DEFB1: variants seen among roughly 807,000 people sequenced by gnomAD.
DEFB1 encodes the protein defensin beta 1.
In DEFB1, 4 loss-of-function variants were observed where a neutral mutation model predicts 2.6. The ratio of observed to expected loss-of-function variants is 1.53; its 90% CI spans 0.76 to 3.51. The LOEUF is 3.51. Ranked by LOEUF, DEFB1 falls within the 30% of genes most tolerant of loss-of-function variation. DEFB1 has a pLI of 0.01. For missense variants in DEFB1, 162 were observed against 76.9 expected, an observed-to-expected ratio of 2.11 and a Z score of -4.14; for synonymous variants, 56 against 28.5, an observed-to-expected ratio of 1.96 and a Z score of -3.07.
At chr8:6,874,057 T>G (rs184448761) in intron 1 of DEFB1, among the ~76,000 whole-genome samples, 123 of 152,216 alleles carry the variant, frequency 8.1e-4, no homozygotes, top group African/African-American at 2.6e-3. Context: ...CTTCTGAAGG[T>G]TTTTGTTTTC....
At chr8:6,877,538 C>G (rs1021833703) in intron 1 of DEFB1, among the ~76,000 whole-genome samples, 1 of 152,228 alleles carries the variant, frequency 6.6e-6, no homozygotes, top group South Asian at 2.1e-4. Flanking sequence ...GTCTACATGT[C>G]CAGGACAAGG....
At chr8:6,877,558 G>A (rs1806577543) in intron 1 of DEFB1, among the ~76,000 whole-genome samples, 2 of 152,234 alleles carry the variant, frequency 1.3e-5, no homozygotes, top group Non-Finnish European at 2.9e-5. Context: ...GATGCAGGCA[G>A]CTGCCTGTGA....
intron 1 of DEFB1, among the ~76,000 whole-genome samples, 197 bp from the exon 2 acceptor site, chr8:6,871,023 G>C (rs1004271101): frequency 1.3e-5 from 2 of 152,254 alleles, no homozygotes; most frequent in Non-Finnish European, 2.9e-5. Flanking sequence ...GGCTATGCCA[G>C]CTGTGGCCAA....
intron 1 of DEFB1, among the ~76,000 whole-genome samples, chr8:6,874,089 C>T (rs1806427681): frequency 2.0e-5 from 3 of 151,128 alleles, no homozygotes; most frequent in Admixed American, 2.0e-4. Context: ...GACCAGGCAG[C>T]CCAAAAAGAA....
intron 1 of DEFB1, among the ~76,000 whole-genome samples, chr8:6,872,615 G>T (rs991057879): frequency 6.6e-6 from 1 of 152,186 alleles, no homozygotes; most frequent in African/African-American, 2.4e-5. Flanking sequence ...TGTGGAGATG[G>T]AAGGGAATTG....
At chr8:6,874,463 G>C (rs1806443291) in intron 1 of DEFB1, among the ~76,000 whole-genome samples, 1 of 152,298 alleles carries the variant, frequency 6.6e-6, no homozygotes, top group African/African-American at 2.4e-5. Flanking sequence ...AAAGGGCCGA[G>C]AATAGCCAAG....
At chr8:6,876,479 A>AAAAAC (rs774368804) in intron 1 of DEFB1, among the ~76,000 whole-genome samples, 11 of 151,812 alleles carry the variant, frequency 7.2e-5, no homozygotes, top group African/African-American at 2.2e-4. Flanking sequence ...TCCATCTCAA[A>AAAAAC]AAAACAAAAC....
intron 1 of DEFB1, among the ~76,000 whole-genome samples, chr8:6,875,095 CACACACACACA>C (rs1806476304): frequency 6.6e-6 from 1 of 151,530 alleles, no homozygotes; most frequent in African/African-American, 2.4e-5. Flanking sequence ...CACACACACA[CACACACACACA>C]CACCCCATTG....
At chr8:6,872,061 C>A (rs910507961) in intron 1 of DEFB1, among the ~76,000 whole-genome samples, 2 of 152,164 alleles carry the variant, frequency 1.3e-5, no homozygotes, top group African/African-American at 4.8e-5. Flanking sequence ...CCACTTTTTG[C>A]AGTAATTCCA....
At chr8:6,874,461 GAGAATAGCCA>G (rs1236995953) in intron 1 of DEFB1, among the ~76,000 whole-genome samples, 1 of 152,206 alleles carries the variant, frequency 6.6e-6, no homozygotes, top group Non-Finnish European at 1.5e-5. Flanking sequence ...TCAAAGGGCC[GAGAATAGCCA>G]AGACACATTT....
chr8:6,874,144 C>G (rs1252821369), intron 1 of DEFB1, among the ~76,000 whole-genome samples: 1 of 61,520 alleles, frequency 1.6e-5, no homozygotes, highest in African/African-American at 5.9e-5. Context: ...CACACACACA[C>G]ACGCACACAC....
At chr8:6,871,238 T>C (rs1188827495) in intron 1 of DEFB1, among the ~76,000 whole-genome samples, 5 of 152,212 alleles carry the variant, frequency 3.3e-5, no homozygotes, top group African/African-American at 1.2e-4. Context: ...CTTCCATGCC[T>C]TCAGTTACGC....
chr8:6,874,773 G>C (rs1325066041), intron 1 of DEFB1, among the ~76,000 whole-genome samples: 1 of 152,086 alleles, frequency 6.6e-6, no homozygotes, highest in Non-Finnish European at 1.5e-5. Context: ...CTTGAGGTCA[G>C]GTATTTGAGA....
chr8:6,877,866 G>C lies in DEFB1; in HGVS notation c.-9C>G. On this transcript the variant is annotated 5_prime_UTR_variant, in exon 1 of 2. Transcript: ENST00000297439. ...AGGTAGGAAGTTCTCATGGCGACTGGCAGGCAACACCCAGGATTTCAGGAA... is the reference window on the plus strand; with the variant it reads ...AGGTAGGAAGTTCTCATGGCGACTGCCAGGCAACACCCAGGATTTCAGGAA... 6.2e-7 allele frequency: 1 copy of C among 1,613,766 alleles called. No individual in the cohort carries two copies. Among genetic ancestry groups the C allele is most frequent in the Non-Finnish European group, 8.5e-7 (1 of 1,179,740 alleles).
chr8:6,870,834 G>A lies in DEFB1; in HGVS notation c.62-8C>T, dbSNP rs760974157. The stretch of plus-strand genomic sequence containing the variant: ...CTGTGAGAAAGTTACCACCTGTAAG[G>A]AGGGAACACAAACACTTCAGACTCA... On this transcript the variant is annotated splice_region_variant and splice_polypyrimidine_tract_variant and intron_variant, in intron 1 of 1. Coordinates refer to ENST00000297439, the MANE Select transcript of DEFB1 (RefSeq NM_005218.4). The A allele has an allele frequency of 1.2e-6, 2 of 1,609,828 alleles. No individual in the cohort carries two copies. The highest frequency in any genetic ancestry group is 2.2e-5 in the South Asian group (2 of 90,124).
chr8:6,877,648 C>T (rs1364015700), intron 1 of DEFB1, 149 bp downstream of exon 1: 9 of 681,250 alleles, frequency 1.3e-5, no homozygotes, highest in East Asian at 2.8e-5. Context: ...CTGCTGCCTT[C>T]TGCCAACTGC....
chr8:6,875,421 A>G (rs1585000879), intron 1 of DEFB1, among the ~76,000 whole-genome samples: 1 of 152,338 alleles, frequency 6.6e-6, no homozygotes, highest in African/African-American at 2.4e-5. Context: ...ACAAACCAAT[A>G]AGAAAAGACA....
At chr8:6,876,555 G>A (rs1255498906) in intron 1 of DEFB1, among the ~76,000 whole-genome samples, 1 of 152,048 alleles carries the variant, frequency 6.6e-6, no homozygotes, top group African/African-American at 2.4e-5. Flanking sequence ...CAGAACTTTG[G>A]GAGTCTGAAC....
chr8:6,874,415 A>G (rs928440621), intron 1 of DEFB1, among the ~76,000 whole-genome samples: 15 of 152,210 alleles, frequency 9.9e-5, no homozygotes, highest in Admixed American at 9.8e-4. Flanking sequence ...CAGAGGTTCT[A>G]ATTTGACAAA....
Sources: gnomAD v4.1 joint callset for allele counts (sites outside exome capture counted in the v4.1 genomes callset) on GRCh38, gnomAD v4.1.1 for gene constraint, MANE v1.5 for transcripts, NCBI Gene and HGNC (gene_info 2026-07-23, HGNC 2026-07-21) for gene names.